The following OR8B8 variants were observed in gnomAD, a reference collection of about 807,000 sequenced individuals.
The protein encoded by OR8B8 is olfactory receptor family 8 subfamily B member 8, also known as olfactory receptor 8B8.
A neutral mutation model predicts 10.5 loss-of-function variants in OR8B8; 8 were observed. The ratio of observed to expected loss-of-function variants is 0.76; its 90% CI spans 0.45 to 1.38. The LOEUF (loss-of-function observed/expected upper bound fraction) is 1.38. OR8B8 is among the 40% of genes most tolerant of loss of function. The pLI is 0.00. For synonymous variants in OR8B8, 150 were observed against 145.2 expected (o/e 1.03, Z -0.24); for missense variants, 390 against 380.5 (o/e 1.03, Z -0.21).
In OR8B8 at chr11:124,440,720, G is replaced by A. The variant is rs376436248; in HGVS notation, c.366C>T (p.Arg122=). Residue 122 remains arginine, a synonymous_variant, in exon 3 of 3, where the codon CGC becomes CGT. Coordinates refer to ENST00000642064, the MANE Select transcript of OR8B8 (RefSeq NM_012378.2). ...SFILSAMAYD[R]YVAICNPLLY... The stretch of plus-strand genomic sequence containing the variant: ...ACAGTGGGTTACAGATGGCCACATA[G>A]CGGTCATACGCCATTGCTGACAGGA... 28 of 1,614,158 alleles carry A rather than the reference G, an allele frequency of 1.7e-5. No homozygotes were observed. Among genetic ancestry groups the A allele is most frequent in the South Asian group, 5.5e-5 (5 of 91,078 alleles).
Position 124,441,530 on chromosome 11 carries a change from A to T in OR8B8, c.-59T>A, listed in dbSNP as rs564490831. The T allele has an allele frequency of 1.2e-5, 2 of 168,950 alleles. No homozygotes were observed. Among genetic ancestry groups the T allele is most frequent in the African/African-American group, 4.8e-5 (2 of 41,962 alleles). 10.5% of individuals were successfully genotyped at this position (168,950 alleles called of 1,614,324 possible). A position where few individuals can be genotyped will look rare whatever the true frequency, so the allele number is the denominator to read the frequency against. On this transcript the variant is annotated 5_prime_UTR_variant, in exon 2 of 3. Transcript: ENST00000642064. ...GGAAAAGTTCGGACTGCTCATCCGGATTCAGCCTCTCATCCTCTTCAGCCC... is the reference window on the plus strand; with the variant it reads ...GGAAAAGTTCGGACTGCTCATCCGGTTTCAGCCTCTCATCCTCTTCAGCCC...
In OR8B8 at chr11:124,440,177, T is replaced by A. The variant is rs760233262; in HGVS notation, c.909A>T (p.Lys303Asn). The A allele has an allele frequency of 6.8e-6, 11 of 1,612,896 alleles. No individual in the cohort carries two copies. In the South Asian group the frequency reaches 1.2e-4, roughly 18 times the overall value. Reference sequence around the variant, plus strand: ...AGGAGAATGCATTTTTGTTCAAGATTTTCTTTAGAGCAACTTTGACGTCCT... The same window carrying A: ...AGGAGAATGCATTTTTGTTCAAGATATTCTTTAGAGCAACTTTGACGTCCT... ...RNKDVKVALK[K>N]ILNKNAFS The change falls in exon 3 of 3, where the codon AAA (lysine) becomes AAT (asparagine). Residue 303 changes from lysine to asparagine, a missense_variant. Coordinates refer to ENST00000642064, the MANE Select transcript of OR8B8 (RefSeq NM_012378.2).
chr11:124,440,807 G>A lies in OR8B8; in HGVS notation c.279C>T (p.Ser93=). 1.2e-6 allele frequency: 2 copies of A among 1,614,228 alleles called. No homozygotes were observed. Among genetic ancestry groups the A allele is most frequent in the Non-Finnish European group, 8.5e-7 (1 of 1,180,044 alleles). Residue 93 remains serine, a synonymous_variant, in exon 3 of 3, where the codon TCC becomes TCT. Coordinates refer to ENST00000642064, the MANE Select transcript of OR8B8 (RefSeq NM_012378.2). Reference sequence around the variant, plus strand: ...AGAGCTGAGTCATACACCCTGCGTAGGAGATGCTGTTCTTCTTTAAGACAA... The same window carrying A: ...AGAGCTGAGTCATACACCCTGCGTAAGAGATGCTGTTCTTCTTTAAGACAA... ...MSFVLKKNSI[S]YAGCMTQLFF... is the part of the protein sequence containing the mutation.
At chr11:124,441,415 G>C in intron 2 of OR8B8, 73 bp downstream of exon 2, 1 of 318,290 alleles carries the variant, frequency 3.1e-6, no homozygotes, top group Non-Finnish European at 5.9e-6. Flanking sequence ...GCCCGCCTGT[G>C]CCTGGAGAGT....
In OR8B8 at chr11:124,437,520, GC is replaced by G. The variant is rs1178166949; in HGVS notation, c.*2629del. 2 of 152,228 alleles carry G rather than the reference GC, an allele frequency of 1.3e-5. No homozygotes were observed. Among genetic ancestry groups the G allele is most frequent in the African/African-American group, 4.8e-5 (2 of 41,436 alleles). The allele number at this position is 152,228 out of a possible 1,614,324, so 9.4% of individuals were successfully genotyped here. A position where few individuals can be genotyped will look rare whatever the true frequency, so the allele number is the denominator to read the frequency against. On this transcript the variant is annotated 3_prime_UTR_variant, in exon 3 of 3. Transcript: ENST00000642064. ...GGCTGAGAAGTCCAAGATTAAGGCA[GC>G]AGCAGATTCCGTGTCTGGTGAGAGC...
intron 2 of OR8B8, 41 bp from the exon 3 acceptor site, chr11:124,441,142 G>T: frequency 8.1e-7 from 1 of 1,234,166 alleles, no homozygotes; most frequent in Non-Finnish European, 1.1e-6. Flanking sequence ...GAGAGAGAGA[G>T]ACCACTGCTG....
Position 124,437,667 on chromosome 11 carries a change from T to TGC in OR8B8, c.*2481_*2482dup, listed in dbSNP as rs138728958. The stretch of plus-strand genomic sequence containing the variant: ...GTGTGTGTGTGTGTGTGTGTGTGTG[T>TGC]GCGCGCGCGCGTGCGTGCGTGCTGG... On this transcript the variant is annotated 3_prime_UTR_variant, in exon 3 of 3. Coordinates refer to ENST00000642064, the MANE Select transcript of OR8B8 (RefSeq NM_012378.2). 0.017 allele frequency: 1,922 copies of TGC among 110,526 alleles called. 24 individuals carry two copies. Among genetic ancestry groups the TGC allele is most frequent in the African/African-American group, 0.048 (1,038 of 21,478 alleles). 6.8% of individuals were successfully genotyped at this position (110,526 alleles called of 1,614,324 possible).
rs1861430720 is a variant in OR8B8 at position 124,438,763 on chromosome 11, A to G, written c.*1387T>C. 1 of 152,278 alleles carries G rather than the reference A, an allele frequency of 6.6e-6. No individual in the cohort carries two copies. Among genetic ancestry groups the G allele is most frequent in the African/African-American group, 2.4e-5 (1 of 41,476 alleles). The allele number at this position is 152,278 out of a possible 1,614,324, so 9.4% of individuals were successfully genotyped here. ...TCTGGGTTAGCAACAGCAGGGAGAC[A>G]TTATCACTCCTTGGCATGAAGAGAC... On this transcript the variant is annotated 3_prime_UTR_variant, in exon 3 of 3. Coordinates refer to ENST00000642064, the MANE Select transcript of OR8B8 (RefSeq NM_012378.2).
At chr11:124,441,395 G>A (rs982300801) in intron 2 of OR8B8, 93 bp downstream of exon 2, 31 of 351,234 alleles carry the variant, frequency 8.8e-5, no homozygotes, top group African/African-American at 5.1e-4. Flanking sequence ...CCTCTTAGAG[G>A]CCGGACCCAG....
intron 2 of OR8B8, 84 bp from the exon 3 acceptor site, chr11:124,441,185 A>G: frequency 6.8e-6 from 6 of 879,134 alleles, no homozygotes; most frequent in Non-Finnish European, 1.0e-5. Context: ...CTTCTTGAGA[A>G]TAGGAGGCAC....
Position 124,439,769 on chromosome 11 carries a change from A to T in OR8B8, c.*381T>A, listed in dbSNP as rs1861444046. ...TCTGAGGACAGAATCAGATTTTAAC[A>T]TCCTAGGCCAGCTCACATTTGAAAT... On this transcript the variant is annotated 3_prime_UTR_variant, in exon 3 of 3. Transcript: ENST00000642064. The T allele has an allele frequency of 5.8e-6, 1 of 171,414 alleles. No homozygotes were observed. Among genetic ancestry groups the T allele is most frequent in the Non-Finnish European group, 1.2e-5 (1 of 80,654 alleles). 10.6% of individuals were successfully genotyped at this position (171,414 alleles called of 1,614,324 possible).
chr11:124,445,306 C>A (rs546738139), intron 1 of OR8B8, among the ~76,000 whole-genome samples: 1 of 152,184 alleles, frequency 6.6e-6, no homozygotes, highest in African/African-American at 2.4e-5. Flanking sequence ...CCAGGCATTT[C>A]TTAAAATGAA....
At chr11:124,441,409 G>T (rs984119161) in intron 2 of OR8B8, 79 bp downstream of exon 2, 8 of 326,196 alleles carry the variant, frequency 2.5e-5, no homozygotes, top group South Asian at 8.3e-5. Flanking sequence ...GACCCAGCCC[G>T]CCTGTGCCTG....
rs1266068290 is a variant in OR8B8, at chr11:124,440,155, A to G, written c.931T>C (p.Ser311Pro). The G allele has an allele frequency of 1.2e-6, 2 of 1,610,588 alleles. No individual in the cohort carries two copies. The highest frequency in any genetic ancestry group is 3.4e-5 in the Admixed American group (2 of 59,642). Residue 311 changes from serine (S) to proline (P), a missense_variant, in exon 3 of 3, where the codon TCC becomes CCC. Physicochemically the swap from Ser to Pro is moderately conservative, Grantham distance 74 (BLOSUM62 -1). Transcript: ENST00000642064. ...LKKILNKNAF[S>P] Reference sequence around the variant, plus strand: ...TCCTGAGCATTGCCCTTTTCTCAGGAGAATGCATTTTTGTTCAAGATTTTC... The same window carrying G: ...TCCTGAGCATTGCCCTTTTCTCAGGGGAATGCATTTTTGTTCAAGATTTTC...
intron 1 of OR8B8, among the ~76,000 whole-genome samples, chr11:124,444,958 A>G (rs1194333754): frequency 6.6e-6 from 1 of 152,190 alleles, no homozygotes; most frequent in East Asian, 1.9e-4. Context: ...ACATAACCCA[A>G]TCCACAGACA....
intron 2 of OR8B8, 41 bp from the exon 3 acceptor site, chr11:124,441,142 G>C: frequency 6.5e-6 from 8 of 1,234,164 alleles, no homozygotes; most frequent in Non-Finnish European, 9.1e-6. Flanking sequence ...GAGAGAGAGA[G>C]ACCACTGCTG....
chr11:124,439,880 C>T lies in OR8B8; in HGVS notation c.*270G>A, dbSNP rs1000810891. 7 of 343,040 alleles carry T rather than the reference C, an allele frequency of 2.0e-5. No individual in the cohort carries two copies. The highest frequency in any genetic ancestry group is 3.2e-5 in the Non-Finnish European group (6 of 189,946). 21.2% of individuals were successfully genotyped at this position (343,040 alleles called of 1,614,324 possible). A position where few individuals can be genotyped will look rare whatever the true frequency, so the allele number is the denominator to read the frequency against. ...GGAAATAAAGAGCCTGGATTTTAGT[C>T]GCAGTTCCACTGCTGAGCAGCTGAG... On this transcript the variant is annotated 3_prime_UTR_variant, in exon 3 of 3. Transcript: ENST00000642064.
intron 1 of OR8B8, among the ~76,000 whole-genome samples, chr11:124,443,259 G>A (rs1189777864): frequency 6.6e-6 from 1 of 152,222 alleles, no homozygotes; most frequent in Admixed American, 6.5e-5. Context: ...AGAGTACAGG[G>A]AGGGATATAG....
chr11:124,442,830 T>C (rs1242473786), intron 1 of OR8B8, among the ~76,000 whole-genome samples: 1 of 152,232 alleles, frequency 6.6e-6, no homozygotes, highest in Non-Finnish European at 1.5e-5. Flanking sequence ...CAGCTAGTTA[T>C]CATTCTTGGA....
Sources: gnomAD v4.1 joint callset for allele counts (sites outside exome capture counted in the v4.1 genomes callset) on GRCh38, gnomAD v4.1.1 for gene constraint, MANE v1.5 for transcripts, NCBI Gene and HGNC (gene_info 2026-07-23, HGNC 2026-07-21) for gene names.